The following PCNX1 variants were observed in gnomAD, a reference collection of about 807,000 sequenced individuals.
PCNX1 encodes the protein pecanex 1.
Under a neutral mutation model 242.2 loss-of-function variants are expected in PCNX1, and 78 were observed. The ratio of observed to expected loss-of-function variants is 0.32; its 90% confidence interval spans 0.27 to 0.39. The LOEUF is 0.39. Ranked by LOEUF, PCNX1 falls within the 10% of genes least tolerant of loss-of-function variation. The pLI is 1.00. For missense variants in PCNX1, 2,581 were observed against 2,856.5 expected, an observed-to-expected ratio of 0.90 and a Z score of 2.20; for synonymous variants, 1,024 against 1,032.9, an observed-to-expected ratio of 0.99 and a Z score of 0.17.
At chr14:70,985,644 T>TC (rs2140216082) in intron 6 of PCNX1, among the ~76,000 whole-genome samples, 1 of 152,366 alleles carries the variant, frequency 6.6e-6, no homozygotes, top group East Asian at 1.9e-4. Context: ...ATATATACCC[T>TC]TGGAAGTATT....
At chr14:70,925,545 C>T (rs1291795783) in intron 1 of PCNX1, among the ~76,000 whole-genome samples, 1 of 148,694 alleles carries the variant, frequency 6.7e-6, no homozygotes, top group Non-Finnish European at 1.5e-5. Context: ...ATTCTGAGGG[C>T]TCACAAATCT....
At chr14:70,992,167 T>A (rs1167365596) in intron 7 of PCNX1, among the ~76,000 whole-genome samples, 1 of 152,102 alleles carries the variant, frequency 6.6e-6, no homozygotes, top group Non-Finnish European at 1.5e-5. Flanking sequence ...AAAATATTTA[T>A]AATACAAATA....
intron 26 of PCNX1, among the ~76,000 whole-genome samples, chr14:71,071,649 C>T (rs2061589481): frequency 6.6e-6 from 1 of 152,174 alleles, no homozygotes; most frequent in African/African-American, 2.4e-5. Flanking sequence ...TACCCAGCCA[C>T]ACTTCCTGTA....
intron 1 of PCNX1, among the ~76,000 whole-genome samples, chr14:70,939,562 A>G (rs1007427726): frequency 1.3e-5 from 2 of 152,170 alleles, no homozygotes; most frequent in Non-Finnish European, 2.9e-5. Flanking sequence ...CTGTGTCGTC[A>G]GTTTTGGAAT....
intron 31 of PCNX1, 84 bp from the exon 32 acceptor site, chr14:71,103,311 G>A: frequency 1.4e-6 from 2 of 1,408,418 alleles, no homozygotes; most frequent in Non-Finnish European, 2.0e-6. Context: ...AATATCTTTT[G>A]TATTCCTCCC....
At chr14:70,960,374 T>G (rs2058164865) in intron 2 of PCNX1, among the ~76,000 whole-genome samples, 2 of 152,002 alleles carry the variant, frequency 1.3e-5, no homozygotes, top group Non-Finnish European at 1.5e-5. Context: ...GTCTAACGTT[T>G]AAGTCTTTAA....
At chr14:71,062,110 TGAATG>T (rs2061339689) in intron 26 of PCNX1, among the ~76,000 whole-genome samples, 3 of 152,180 alleles carry the variant, frequency 2.0e-5, no homozygotes, top group Non-Finnish European at 4.4e-5. Flanking sequence ...AAATCTATGA[TGAATG>T]AAAGAAACAA....
At position 71,108,902 on chromosome 14, in the gene PCNX1, C is replaced by A; in HGVS notation, c.6600C>A (p.Ile2200=). The A allele has an allele frequency of 6.2e-7, 1 of 1,614,258 alleles. No individual in the cohort carries two copies. The highest frequency in any genetic ancestry group is 1.6e-4 in the Middle Eastern group (1 of 6,062). ...LPSSSSSSQS[I]PACKHHTLVG... ...CCTCCAGCAGCTCCAGCCAAAGCAT[C>A]CCAGCCTGCAAACATCACACTCTCG... is the stretch of plus-strand genomic sequence containing the variant. Residue 2200 remains isoleucine, a synonymous_variant, in exon 34 of 36, where the codon ATC becomes ATA. Transcript: ENST00000304743.
intron 7 of PCNX1, 25 bp downstream of exon 7, chr14:70,988,724 G>A: frequency 6.2e-7 from 1 of 1,603,798 alleles, no homozygotes; most frequent in Non-Finnish European, 8.5e-7. Context: ...ATTCCACCAA[G>A]TTTAGCATGC....
intron 1 of PCNX1, among the ~76,000 whole-genome samples, chr14:70,925,577 T>C (rs898834587): frequency 2.0e-5 from 3 of 151,092 alleles, no homozygotes; most frequent in Admixed American, 2.0e-4. Flanking sequence ...TCTTTTTTTT[T>C]TTTTTTTTTT....
At chr14:71,069,906 G>A (rs2061548198) in intron 26 of PCNX1, among the ~76,000 whole-genome samples, 2 of 152,102 alleles carry the variant, frequency 1.3e-5, no homozygotes, top group Admixed American at 1.3e-4. Flanking sequence ...GTTTGATGAA[G>A]GATTCCTCTG....
chr14:70,972,028 C>T (rs1458512612), intron 5 of PCNX1, among the ~76,000 whole-genome samples: 1 of 152,188 alleles, frequency 6.6e-6, no homozygotes, highest in Non-Finnish European at 1.5e-5. Context: ...AAAGTTGAAG[C>T]AGGGACCTCA....
chr14:71,068,024 A>G (rs1314019421), intron 26 of PCNX1, among the ~76,000 whole-genome samples: 2 of 152,098 alleles, frequency 1.3e-5, no homozygotes, highest in Non-Finnish European at 2.9e-5. Context: ...TGTAATACTG[A>G]TATCAAAATG....
chr14:71,101,825 C>G (rs1457503719), intron 30 of PCNX1, among the ~76,000 whole-genome samples, 165 bp from the exon 31 acceptor site: 1 of 152,112 alleles, frequency 6.6e-6, no homozygotes, highest in Admixed American at 6.5e-5. Context: ...TGAGCTACTT[C>G]CTAACCCAGT....
chr14:70,988,469 T>G (rs2059061583), intron 6 of PCNX1, 98 bp from the exon 7 acceptor site: 1 of 1,252,956 alleles, frequency 8.0e-7, no homozygotes, highest in African/African-American at 1.5e-5. Context: ...TAAGTTCACT[T>G]TACCCATGAG....
At chr14:70,916,732 G>T (rs2056167853) in intron 1 of PCNX1, among the ~76,000 whole-genome samples, 1 of 152,098 alleles carries the variant, frequency 6.6e-6, no homozygotes, top group African/African-American at 2.4e-5. Flanking sequence ...GACAGACCAG[G>T]GGGTGACTGT....
chr14:71,012,124 A>AG (rs2059835926), intron 10 of PCNX1: 1 of 152,530 alleles, frequency 6.6e-6, no homozygotes. Flanking sequence ...GTATAGCCTC[A>AG]GGTGAGCAGC....
chr14:70,994,427 A>ATATATATATATGTATG (rs930212552), intron 7 of PCNX1, among the ~76,000 whole-genome samples: 4 of 88,724 alleles, frequency 4.5e-5, no homozygotes, highest in African/African-American at 8.3e-5. Flanking sequence ...ATATATATAT[A>ATATATATATATGTATG]TATGTATGTA....
chr14:71,053,028 C>T (rs1334531741), intron 24 of PCNX1, among the ~76,000 whole-genome samples: 1 of 152,172 alleles, frequency 6.6e-6, no homozygotes, highest in Non-Finnish European at 1.5e-5. Context: ...TATACTTTCA[C>T]AAATTGGCAT....
Sources: allele counts gnomAD v4.1 joint callset (sites outside exome capture counted in the v4.1 genomes callset), GRCh38; gene constraint gnomAD v4.1.1; transcripts MANE v1.5; gene names NCBI Gene and HGNC (gene_info 2026-07-23, HGNC 2026-07-21).